The following SCLT1 variants were observed in gnomAD, a reference collection of about 807,000 sequenced individuals.
SCLT1 encodes sodium channel-associated protein 1.
A neutral mutation model predicts 112.8 loss-of-function variants in SCLT1; 78 were observed. The ratio of observed to expected loss-of-function variants is 0.69; its 90% CI spans 0.58 to 0.83. SCLT1 has a LOEUF of 0.83. Among genes scored for constraint, SCLT1 ranks in the 40% least tolerant of loss-of-function variants. The pLI is 0.00. For synonymous variants in SCLT1, 257 were observed against 254.7 expected (o/e 1.01, Z -0.09); for missense variants, 747 against 770.4 (o/e 0.97, Z 0.36).
At chr4:129,043,947 A>G (rs949212646) in intron 3 of SCLT1, 46 bp downstream of exon 3, 1 of 922,618 alleles carries the variant, frequency 1.1e-6, no homozygotes, top group South Asian at 1.4e-5. Flanking sequence ...TGCTAATAAT[A>G]ATTAAATATA....
At chr4:129,080,892 G>A (rs1310566308) in intron 2 of SCLT1, among the ~76,000 whole-genome samples, 1 of 152,140 alleles carries the variant, frequency 6.6e-6, no homozygotes, top group African/African-American at 2.4e-5. Context: ...GAGAGTTTCT[G>A]GGGTGCCAGA....
At chr4:129,050,071 A>T (rs1019030479) in intron 2 of SCLT1, among the ~76,000 whole-genome samples, 2 of 152,178 alleles carry the variant, frequency 1.3e-5, no homozygotes, top group Admixed American at 1.3e-4. Context: ...ACATGAACTC[A>T]TTCTTTTTTA....
intron 2 of SCLT1, among the ~76,000 whole-genome samples, chr4:129,044,886 G>A (rs937804703): frequency 2.7e-5 from 4 of 147,170 alleles, no homozygotes; most frequent in African/African-American, 9.9e-5. Context: ...TTACTACATA[G>A]CAAAACACCA....
chr4:128,972,718 C>G (rs72922051), intron 9 of SCLT1, among the ~76,000 whole-genome samples: 4 of 152,152 alleles, frequency 2.6e-5, no homozygotes, highest in Admixed American at 6.5e-5. Flanking sequence ...TTTGGCCCAA[C>G]CTTTAGCTTC....
intron 16 of SCLT1, among the ~76,000 whole-genome samples, chr4:128,944,471 T>C (rs1201497086): frequency 6.6e-6 from 1 of 152,084 alleles, no homozygotes; most frequent in Non-Finnish European, 1.5e-5. Flanking sequence ...ACAGAGTAAA[T>C]AGCATCAATA....
intron 5 of SCLT1, among the ~76,000 whole-genome samples, chr4:129,014,429 C>G (rs1219249868): frequency 6.6e-6 from 1 of 152,184 alleles, no homozygotes; most frequent in African/African-American, 2.4e-5. Context: ...TCTTTCTCAT[C>G]TTTGTGGGTT....
chr4:129,088,861 A>G (rs1447701211), intron 1 of SCLT1, among the ~76,000 whole-genome samples: 2 of 152,266 alleles, frequency 1.3e-5, no homozygotes, highest in African/African-American at 4.8e-5. Flanking sequence ...CTCAAGATGG[A>G]TTAAACACTT....
intron 18 of SCLT1, among the ~76,000 whole-genome samples, chr4:128,921,155 A>G (rs1385982183): frequency 6.6e-6 from 1 of 152,204 alleles, no homozygotes; most frequent in African/African-American, 2.4e-5. Context: ...ATTGGGGATG[A>G]TACAAATGAA....
chr4:128,933,837 A>G (rs1443265934), intron 18 of SCLT1, among the ~76,000 whole-genome samples: 1 of 152,030 alleles, frequency 6.6e-6, no homozygotes, highest in Non-Finnish European at 1.5e-5. Context: ...GCCTTATCCT[A>G]TAATTATAAG....
At chr4:128,996,626 A>C (rs1430345584) in intron 8 of SCLT1, among the ~76,000 whole-genome samples, 1 of 152,072 alleles carries the variant, frequency 6.6e-6, no homozygotes, top group Non-Finnish European at 1.5e-5. Context: ...GAACAACTTA[A>C]ATTTTAAAAT....
chr4:129,028,741 A>G (rs1444715903), intron 5 of SCLT1, among the ~76,000 whole-genome samples: 1 of 152,120 alleles, frequency 6.6e-6, no homozygotes, highest in Non-Finnish European at 1.5e-5. Flanking sequence ...TGAACAGGCA[A>G]CCTACAAAAA....
intron 4 of SCLT1, chr4:129,039,933 A>AC: frequency 4.4e-6 from 2 of 452,168 alleles, no homozygotes; most frequent in Admixed American, 3.4e-5. Context: ...CACACACACA[A>AC]AACCCTGAAT....
intron 8 of SCLT1, among the ~76,000 whole-genome samples, chr4:128,995,437 T>C (rs1044150060): frequency 6.6e-6 from 1 of 152,160 alleles, no homozygotes; most frequent in African/African-American, 2.4e-5. Flanking sequence ...TTCTTTTCAT[T>C]AGGATTGGTT....
chr4:129,006,031 G>C (rs1193672983), intron 5 of SCLT1, among the ~76,000 whole-genome samples: 1 of 99,662 alleles, frequency 1.0e-5, no homozygotes, highest in Non-Finnish European at 1.9e-5. Flanking sequence ...TGGGGGGAGG[G>C]GGGAGGGATA....
chr4:128,987,019 T>C (rs1742156249), intron 9 of SCLT1, among the ~76,000 whole-genome samples: 2 of 152,132 alleles, frequency 1.3e-5, no homozygotes, highest in African/African-American at 4.8e-5. Flanking sequence ...TCCCTCATCT[T>C]ACCGAAGTCT....
At chr4:128,916,609 T>C (rs75074824) in intron 18 of SCLT1, among the ~76,000 whole-genome samples, 25 of 152,290 alleles carry the variant, frequency 1.6e-4, no homozygotes, top group African/African-American at 5.8e-4. Flanking sequence ...GGAAGAAACA[T>C]AGTTAAAAAT....
intron 2 of SCLT1, among the ~76,000 whole-genome samples, chr4:129,049,899 C>T (rs936798553): frequency 6.6e-6 from 1 of 152,048 alleles, no homozygotes; most frequent in African/African-American, 2.4e-5. Context: ...TACATGCCAC[C>T]CACAGACAGG....
At chr4:128,990,339 C>A (rs1742450564) in intron 9 of SCLT1, among the ~76,000 whole-genome samples, 1 of 151,602 alleles carries the variant, frequency 6.6e-6, no homozygotes, top group Admixed American at 6.6e-5. Context: ...AAGACAAAAA[C>A]CATATGATAA....
chr4:129,090,334 T>C (rs942397155), intron 1 of SCLT1, among the ~76,000 whole-genome samples: 1 of 152,158 alleles, frequency 6.6e-6, no homozygotes, highest in Non-Finnish European at 1.5e-5. Flanking sequence ...TCCATACATA[T>C]ATAAACAACT....
Sources: allele counts gnomAD v4.1 joint callset (sites outside exome capture counted in the v4.1 genomes callset), GRCh38; gene constraint gnomAD v4.1.1; transcripts MANE v1.5; gene names NCBI Gene and HGNC (gene_info 2026-07-23, HGNC 2026-07-21).